Variants in LPA observed in about 807,000 individuals in gnomAD.
LPA encodes the protein lipoprotein(a).
Under a neutral mutation model 197.9 loss-of-function variants are expected in LPA, and 199 were observed. That is an observed-to-expected ratio of 1.01 (90% CI 0.90 to 1.13). LPA has a LOEUF of 1.13. LPA is among the 50% of genes most tolerant of loss of function. LPA has a pLI of 0.00. For synonymous variants in LPA, 715 were observed against 639.5 expected, an observed-to-expected ratio of 1.12 and a Z score of -1.78; for missense variants, 1,853 against 1,785.8, an observed-to-expected ratio of 1.04 and a Z score of -0.68.
In LPA at chr6:160,585,095, A is replaced by G. The variant is rs770419679; in HGVS notation, c.4240T>C (p.Ser1414Pro). 1.1e-5 allele frequency: 18 copies of G among 1,613,742 alleles called. No homozygotes were observed. In the East Asian group the frequency reaches 4.0e-4, roughly 36 times the overall value. The part of the protein sequence containing the change: ...ITGRTCQSWS[S>P]MTPHWHRRIP... ...CTCCGATGCCAATGTGGTGTCATAG[A>G]CGACCAAGACTGACATGTTCTTCCT... Residue 1414 changes from serine (S) to proline (P), a missense_variant, in exon 26 of 39, where the codon TCT (serine) becomes CCT (proline). Coordinates refer to ENST00000316300, the MANE Select transcript of LPA (RefSeq NM_005577.4).
At chr6:160,609,834 A>ATG (rs1037689449) in intron 16 of LPA, among the ~76,000 whole-genome samples, 5 of 151,068 alleles carry the variant, frequency 3.3e-5, no homozygotes, top group East Asian at 3.9e-4. Flanking sequence ...TGTGTTTTGA[A>ATG]TGTGTGTGTG....
At chr6:160,594,144 C>T in intron 21 of LPA, 27 bp from the exon 22 acceptor site, 2 of 1,613,486 alleles carry the variant, frequency 1.2e-6, no homozygotes, top group Non-Finnish European at 1.7e-6. Context: ...AGAAATCAAG[C>T]TGAGTAATTT....
intron 24 of LPA, among the ~76,000 whole-genome samples, chr6:160,587,795 GTGTGTT>G (rs112021077): frequency 0.012 from 1,656 of 137,740 alleles, 45 homozygotes; most frequent in African/African-American, 0.041. Flanking sequence ...GTGTGTGTGT[GTGTGTT>G]TCTGTCTGTT....
chr6:160,601,619 T>C (rs1163966976), intron 18 of LPA, among the ~76,000 whole-genome samples: 1 of 152,224 alleles, frequency 6.6e-6, no homozygotes, highest in African/African-American at 2.4e-5. Context: ...TCATTCAATG[T>C]ACTCAAAATG....
intron 25 of LPA, among the ~76,000 whole-genome samples, chr6:160,585,588 G>C (rs772851164): frequency 6.6e-6 from 1 of 152,080 alleles, no homozygotes; most frequent in Non-Finnish European, 1.5e-5. Flanking sequence ...GTGATTGGCT[G>C]TTAGTGGGGG....
intron 17 of LPA, 121 bp from the exon 18 acceptor site, chr6:160,605,326 A>G: frequency 8.4e-7 from 1 of 1,183,676 alleles, no homozygotes; most frequent in Non-Finnish European, 1.2e-6. Flanking sequence ...AGAATATGAC[A>G]AGTAACATTC....
intron 28 of LPA, among the ~76,000 whole-genome samples, chr6:160,559,745 T>C (rs983771458): frequency 6.6e-6 from 1 of 152,216 alleles, no homozygotes; most frequent in African/African-American, 2.4e-5. Flanking sequence ...ATGAGTCTCC[T>C]GAAGGCAGCA....
intron 28 of LPA, among the ~76,000 whole-genome samples, chr6:160,569,837 C>A (rs1264956461): frequency 6.6e-6 from 1 of 152,158 alleles, no homozygotes; most frequent in Non-Finnish European, 1.5e-5. Flanking sequence ...TATTAACAGA[C>A]AATTCTCAAA....
At chr6:160,580,264 T>C (rs777235351) in intron 26 of LPA, among the ~76,000 whole-genome samples, 4 of 152,348 alleles carry the variant, frequency 2.6e-5, no homozygotes, top group African/African-American at 4.8e-5. Flanking sequence ...GAAATTCTTT[T>C]TTCATTTTCT....
At chr6:160,592,685 T>A (rs1274274452) in intron 22 of LPA, among the ~76,000 whole-genome samples, 2 of 152,208 alleles carry the variant, frequency 1.3e-5, no homozygotes, top group Admixed American at 6.5e-5. Flanking sequence ...TTGAGTTTAC[T>A]TTTTTCTGGA....
intron 28 of LPA, among the ~76,000 whole-genome samples, chr6:160,575,668 G>T (rs1197897453): frequency 6.6e-6 from 1 of 152,092 alleles, no homozygotes; most frequent in African/African-American, 2.4e-5. Flanking sequence ...CCCAAGATTT[G>T]CAATGAGGTC....
chr6:160,651,423 C>G (rs550307182), intron 1 of LPA, among the ~76,000 whole-genome samples: 3 of 152,244 alleles, frequency 2.0e-5, no homozygotes, highest in East Asian at 3.9e-4. Context: ...ATAGCAGCAA[C>G]CCATCACTGG....
At chr6:160,661,734 A>T (rs772982530) in intron 1 of LPA, among the ~76,000 whole-genome samples, 16 of 152,244 alleles carry the variant, frequency 1.1e-4, no homozygotes, top group Non-Finnish European at 2.1e-4. Flanking sequence ...ATTGAGAAAT[A>T]GATATTTTAG....
At chr6:160,584,454 C>T (rs1406996849) in intron 26 of LPA, among the ~76,000 whole-genome samples, 1 of 151,414 alleles carries the variant, frequency 6.6e-6, no homozygotes, top group Non-Finnish European at 1.5e-5. Context: ...GCCTCAGCCT[C>T]CCAAGTAGTT....
intron 20 of LPA, among the ~76,000 whole-genome samples, chr6:160,597,227 A>T: frequency 6.6e-6 from 1 of 152,234 alleles, no homozygotes; most frequent in Non-Finnish European, 1.5e-5. Flanking sequence ...TATTTGTTCT[A>T]GCCTGTTGTG....
At chr6:160,550,575 A>T (rs1778152232) in intron 30 of LPA, among the ~76,000 whole-genome samples, 1 of 152,238 alleles carries the variant, frequency 6.6e-6, no homozygotes, top group Non-Finnish European at 1.5e-5. Context: ...TCTTAGATGT[A>T]GTTTGATGAC....
intron 30 of LPA, among the ~76,000 whole-genome samples, chr6:160,555,296 T>TGTTA (rs1778240475): frequency 2.0e-5 from 1 of 50,610 alleles, no homozygotes; most frequent in Non-Finnish European, 4.2e-5. Flanking sequence ...TATATGTTAG[T>TGTTA]GTGTGTGTGT....
intron 1 of LPA, among the ~76,000 whole-genome samples, chr6:160,654,001 TATAATATATATTATATATA>T (rs1780065182): frequency 5.4e-5 from 1 of 18,406 alleles, no homozygotes; most frequent in African/African-American, 2.7e-4. Context: ...ATATATTATA[TATAATATATATTATATATA>T]ATATATAATA....
intron 6 of LPA, among the ~76,000 whole-genome samples, chr6:160,635,558 T>G (rs1779800759): frequency 8.1e-6 from 1 of 123,198 alleles, no homozygotes; most frequent in South Asian, 2.5e-4. Flanking sequence ...TTAGAAACAC[T>G]GAGATAACAC....
Sources: allele counts gnomAD v4.1 joint callset (sites outside exome capture counted in the v4.1 genomes callset), GRCh38; gene constraint gnomAD v4.1.1; transcripts MANE v1.5; gene names NCBI Gene and HGNC (gene_info 2026-07-23, HGNC 2026-07-21).